Variants in UBAP2 observed in about 807,000 individuals in gnomAD.
UBAP2 encodes the protein ubiquitin-associated protein 2.
In UBAP2, 75 loss-of-function variants were observed where a neutral mutation model predicts 139.6. That is an observed-to-expected ratio of 0.54 (90% confidence interval 0.45 to 0.65). The LOEUF (loss-of-function observed/expected upper bound fraction) is 0.65, where lower values mean the gene tolerates loss of function less well. Among genes scored for constraint, UBAP2 ranks in the 30% least tolerant of loss-of-function variants. The pLI is 0.00. For synonymous variants in UBAP2, 526 were observed against 526.2 expected (o/e 1.00, Z 0.01); for missense variants, 1,368 against 1,369.6 (o/e 1.00, Z 0.02).
intron 12 of UBAP2, among the ~76,000 whole-genome samples, chr9:33,950,142 T>C (rs542790464): frequency 1.1e-4 from 16 of 152,310 alleles, no homozygotes; most frequent in Middle Eastern, 3.4e-3. Flanking sequence ...CTCGGCTCAC[T>C]GCAAGCTCCG....
intron 11 of UBAP2, 84 bp from the exon 12 acceptor site, chr9:33,953,558 G>A: frequency 7.4e-7 from 1 of 1,348,848 alleles, no homozygotes; most frequent in Non-Finnish European, 1.0e-6. Flanking sequence ...AATATATAGT[G>A]AATTTACATT....
intron 8 of UBAP2, among the ~76,000 whole-genome samples, chr9:33,966,049 C>CA (rs139014566): frequency 0.082 from 11,944 of 145,888 alleles, 675 homozygotes; most frequent in Non-Finnish European, 0.12. Flanking sequence ...GACTCCATCT[C>CA]AAAAAAATAA....
chr9:34,032,983 G>A (rs1457150692), intron 1 of UBAP2, among the ~76,000 whole-genome samples: 1 of 151,032 alleles, frequency 6.6e-6, no homozygotes, highest in East Asian at 1.9e-4. Context: ...TTTAACTCTT[G>A]CTTCTTATTT....
chr9:34,019,724 C>CAG (rs397713883), intron 1 of UBAP2, among the ~76,000 whole-genome samples: 2 of 147,982 alleles, frequency 1.4e-5, no homozygotes, highest in Non-Finnish European at 3.0e-5. Flanking sequence ...CACACACACA[C>CAG]GCACAGAAAA....
At chr9:33,975,877 A>G (rs1271914830) in intron 6 of UBAP2, among the ~76,000 whole-genome samples, 1 of 151,812 alleles carries the variant, frequency 6.6e-6, no homozygotes, top group African/African-American at 2.4e-5. Flanking sequence ...AAATACAATG[A>G]TTGACCATAT....
In UBAP2 at chr9:33,989,124, A is replaced by C; in HGVS notation, c.291T>G (p.Thr97=). 2 of 1,605,364 alleles carry C rather than the reference A, an allele frequency of 1.2e-6. No homozygotes were observed. Among genetic ancestry groups the C allele is most frequent in the Non-Finnish European group, 1.7e-6 (2 of 1,177,654 alleles). ...TCTTACACCCTACAGTCTCCCATGA[A>C]GTCTATCAGAGAGAACGGCTGTTAA... ...NILLEGNSDT[T]SWETVGCKKK... Residue 97 remains threonine (T), a splice_region_variant and synonymous_variant, in exon 5 of 29, where the codon ACT becomes ACG. Coordinates refer to ENST00000379238, the MANE Select transcript of UBAP2 (RefSeq NM_001370062.2).
intron 1 of UBAP2, among the ~76,000 whole-genome samples, chr9:34,019,872 A>T (rs919878962): frequency 6.6e-6 from 1 of 151,968 alleles, no homozygotes; most frequent in Admixed American, 6.6e-5. Flanking sequence ...AAACAAAAAC[A>T]AATGTGCAGC....
rs747627009 is a variant in UBAP2, at chr9:33,926,610, C to G, written c.2511+7G>C. On this transcript the variant is annotated splice_region_variant and intron_variant, in intron 22 of 28. Transcript: ENST00000379238. ...CCTCTGCTCCGACCAGTCCATACCCCACTCACCACTGGCAGCCGTGACTGC... is the reference window on the plus strand; with the variant it reads ...CCTCTGCTCCGACCAGTCCATACCCGACTCACCACTGGCAGCCGTGACTGC... 2 of 1,614,062 alleles carry G rather than the reference C, an allele frequency of 1.2e-6. No homozygotes were observed. Among genetic ancestry groups the G allele is most frequent in the East Asian group, 2.2e-5 (1 of 44,896 alleles).
chr9:34,003,433 G>A (rs1260770147), intron 2 of UBAP2, among the ~76,000 whole-genome samples: 1 of 150,064 alleles, frequency 6.7e-6, no homozygotes. Flanking sequence ...GTGCAGTGGC[G>A]TGATCGCGAC....
At position 33,944,489 on chromosome 9, in the gene UBAP2, G is replaced by C; in HGVS notation, c.1421C>G (p.Pro474Arg). ...KLRESTPGDS[P>R]STVNKLLQLP... ...CTGCAAAAGCTTGTTCACAGTGGAG[G>C]GACTGTCTCCAGGTGTTGATTCTCG... Residue 474 changes from proline (P) to arginine (R), a missense_variant, in exon 14 of 29, where the codon CCC becomes CGC. Physicochemically the swap from Pro to Arg is moderately radical, Grantham distance 103. Transcript: ENST00000379238. The C allele has an allele frequency of 6.2e-7, 1 of 1,614,062 alleles. No homozygotes were observed. Among genetic ancestry groups the C allele is most frequent in the Non-Finnish European group, 8.5e-7 (1 of 1,180,036 alleles).
chr9:34,007,059 T>C (rs966578672), intron 2 of UBAP2, among the ~76,000 whole-genome samples: 3 of 152,214 alleles, frequency 2.0e-5, no homozygotes, highest in African/African-American at 7.2e-5. Context: ...TTCTCAGTTC[T>C]AACAGATGTT....
intron 13 of UBAP2, among the ~76,000 whole-genome samples, chr9:33,945,091 C>G (rs928610872): frequency 6.6e-6 from 1 of 151,512 alleles, no homozygotes; most frequent in Non-Finnish European, 1.5e-5. Context: ...GATTGCACCA[C>G]TGCATTCCAG....
chr9:34,039,846 CTA>C (rs1826884064), intron 1 of UBAP2, among the ~76,000 whole-genome samples: 1 of 13,872 alleles, frequency 7.2e-5, no homozygotes, highest in African/African-American at 2.8e-4. Flanking sequence ...TCAATAAATA[CTA>C]AAAAAAAAAA....
At chr9:34,043,798 CT>C (rs548646218) in intron 1 of UBAP2, among the ~76,000 whole-genome samples, 11,728 of 143,056 alleles carry the variant, frequency 0.082, 631 homozygotes, top group Non-Finnish European at 0.12. Flanking sequence ...CAGGCTCCAA[CT>C]TTTTTTTTTT....
chr9:33,994,048 C>T (rs772910916), intron 4 of UBAP2, among the ~76,000 whole-genome samples: 2 of 152,096 alleles, frequency 1.3e-5, no homozygotes, highest in African/African-American at 4.8e-5. Flanking sequence ...GCGCCCACCA[C>T]CACACCTGGC....
At chr9:33,989,267 T>C (rs1200724628) in intron 4 of UBAP2, 141 bp from the exon 5 acceptor site, 25 of 950,330 alleles carry the variant, frequency 2.6e-5, no homozygotes, top group Non-Finnish European at 3.3e-5. Context: ...CATGGCGCCC[T>C]CTCAGCTCAC....
chr9:34,005,778 T>C (rs1823151829), intron 2 of UBAP2, among the ~76,000 whole-genome samples: 2 of 151,930 alleles, frequency 1.3e-5, no homozygotes, highest in Non-Finnish European at 1.5e-5. Context: ...CTCCAAAGAA[T>C]AAAAATACAG....
At position 34,016,521 on chromosome 9, in the gene UBAP2, T is replaced by C. The variant is rs1196843915; in HGVS notation, c.99+529A>G. Among the ~76,000 whole-genome samples the C allele has an allele frequency of 2.6e-5, 4 of 151,948 alleles. No homozygotes were observed. The South Asian group carries it at 6.2e-4, about 24-fold the overall frequency. The stretch of plus-strand genomic sequence containing the variant: ...GAATCAAGTACAATACCTCTTTCCT[T>C]ACTATTCTTCATTACCTACTTTTTA... On this transcript the variant is annotated intron_variant, in intron 2 of 28. Transcript: ENST00000379238.
intron 22 of UBAP2, among the ~76,000 whole-genome samples, chr9:33,926,239 G>A (rs1004864279): frequency 6.6e-6 from 1 of 152,200 alleles, no homozygotes; most frequent in African/African-American, 2.4e-5. Context: ...GGAAGAGGAA[G>A]ACAGTATAAA....
Sources: gnomAD v4.1 joint callset for allele counts (sites outside exome capture counted in the v4.1 genomes callset) on GRCh38, gnomAD v4.1.1 for gene constraint, MANE v1.5 for transcripts, NCBI Gene and HGNC (gene_info 2026-07-23, HGNC 2026-07-21) for gene names.